PPHLN1: variants seen among roughly 807,000 people sequenced by gnomAD.
The protein encoded by PPHLN1 is periphilin-1.
PPHLN1 carries 29 observed loss-of-function variants against 51.3 expected under a neutral mutation model. The observed-to-expected ratio is 0.57, with a 90% confidence interval of 0.42 to 0.77. The LOEUF (loss-of-function observed/expected upper bound fraction) is 0.77, where lower values mean the gene tolerates loss of function less well. Ranked by LOEUF, PPHLN1 falls within the 30% of genes least tolerant of loss-of-function variation. PPHLN1 has a pLI of 0.00. For missense variants in PPHLN1, 436 were observed against 438.4 expected (o/e 0.99, Z 0.05); for synonymous variants, 147 against 147.8 (o/e 0.99, Z 0.04).
chr12:42,338,433 T>C (rs912258057), intron 2 of PPHLN1, among the ~76,000 whole-genome samples: 2 of 152,156 alleles, frequency 1.3e-5, no homozygotes, highest in South Asian at 4.1e-4. Context: ...CAGAAAATTA[T>C]TGAAGTAATA....
intron 2 of PPHLN1, among the ~76,000 whole-genome samples, chr12:42,347,717 T>C (rs557210619): frequency 6.6e-6 from 1 of 152,272 alleles, no homozygotes; most frequent in East Asian, 1.9e-4. Context: ...GAGGTGTAGG[T>C]TGCAGTGAGC....
At chr12:42,332,845 C>A in intron 1 of PPHLN1, 1 of 514,748 alleles carries the variant, frequency 1.9e-6, no homozygotes, top group Non-Finnish European at 3.4e-6. Context: ...TATTACAAAA[C>A]CTTATTTTTA....
chr12:42,387,415 T>C, intron 6 of PPHLN1, 41 bp from the exon 7 acceptor site: 2 of 1,565,836 alleles, frequency 1.3e-6, no homozygotes, highest in South Asian at 1.2e-5. Context: ...CAAAAACAAA[T>C]TAGCTAGAAA....
chr12:42,397,748 G>GT (rs976111167), intron 8 of PPHLN1, among the ~76,000 whole-genome samples: 6 of 152,066 alleles, frequency 3.9e-5, no homozygotes, highest in South Asian at 2.1e-4. Context: ...AGGTTTGTTT[G>GT]TTTTTTGAGA....
intron 9 of PPHLN1, among the ~76,000 whole-genome samples, chr12:42,426,588 G>A (rs1316284726): frequency 2.0e-5 from 3 of 152,180 alleles, no homozygotes; most frequent in African/African-American, 7.2e-5. Flanking sequence ...ATATGAAAAT[G>A]TTAAGTTAGT....
At chr12:42,359,321 A>G (rs577948245) in intron 4 of PPHLN1, 1 of 152,334 alleles carries the variant, frequency 6.6e-6, no homozygotes, top group South Asian at 2.1e-4. Flanking sequence ...GGTATCTAAT[A>G]TGTCAAATGC....
downstream of PPHLN1, chr12:42,443,009 T>C: frequency 2.6e-6 from 1 of 379,682 alleles, no homozygotes; most frequent in Non-Finnish European, 4.8e-6. Flanking sequence ...AACGATATCA[T>C]GCACAAGGGC....
intron 7 of PPHLN1, among the ~76,000 whole-genome samples, chr12:42,388,069 A>T (rs1287319122): frequency 6.6e-6 from 1 of 152,200 alleles, no homozygotes; most frequent in Non-Finnish European, 1.5e-5. Context: ...GTTTCTCCCC[A>T]TGTGACAGTC....
chr12:42,442,577 C>T, downstream of PPHLN1: 1 of 1,605,240 alleles, frequency 6.2e-7, no homozygotes, highest in Non-Finnish European at 8.5e-7. Context: ...GCCGGCAGTC[C>T]CCTAGCCATT....
chr12:42,331,245 G>T (rs2069689648), intron 1 of PPHLN1, among the ~76,000 whole-genome samples: 1 of 152,230 alleles, frequency 6.6e-6, no homozygotes. Context: ...ATGAGTTTTG[G>T]TGGGGAGGGG....
intron 3 of PPHLN1, among the ~76,000 whole-genome samples, chr12:42,352,674 A>C (rs2073523817): frequency 6.6e-6 from 1 of 151,252 alleles, no homozygotes; most frequent in Non-Finnish European, 1.5e-5. Flanking sequence ...ATCAAGTGGG[A>C]GGCCCACCTT....
In PPHLN1 at chr12:42,432,782, G is replaced by C. The variant is rs1245513896; in HGVS notation, c.910-8533G>C. Among the ~76,000 whole-genome samples, 6 of 152,194 alleles carry C rather than the reference G, an allele frequency of 3.9e-5. 1 individual carries two copies. Reference sequence around the variant, plus strand: ...CACAACAAATTCCTCAGGAAAAGCTGCTGCAAGTTGTTTTGTGCATTCTGA... The same window carrying C: ...CACAACAAATTCCTCAGGAAAAGCTCCTGCAAGTTGTTTTGTGCATTCTGA... On this transcript the variant is annotated intron_variant, in intron 9 of 9. Transcript: ENST00000358314.
intron 4 of PPHLN1, among the ~76,000 whole-genome samples, chr12:42,368,853 G>A (rs1019157548): frequency 2.0e-5 from 3 of 152,060 alleles, no homozygotes. Context: ...TAAGATATTG[G>A]TAAAAGATGG....
At chr12:42,399,087 T>C in intron 9 of PPHLN1, 93 bp downstream of exon 9, 1 of 1,509,338 alleles carries the variant, frequency 6.6e-7, no homozygotes. Flanking sequence ...CATTTCTTTT[T>C]CCACCTGTAA....
intron 5 of PPHLN1, among the ~76,000 whole-genome samples, chr12:42,377,247 A>G (rs918560362): frequency 6.6e-6 from 1 of 151,820 alleles, no homozygotes; most frequent in Non-Finnish European, 1.5e-5. Flanking sequence ...TCACATGCAC[A>G]GACATATCCA....
Position 42,358,387 on chromosome 12 carries a change from A to C in PPHLN1, c.299+3165A>C, listed in dbSNP as rs79100018. Among the ~76,000 whole-genome samples the C allele has an allele frequency of 5.3e-3, 807 of 151,892 alleles. 5 individuals carry two copies. Among genetic ancestry groups the C allele is most frequent in the Middle Eastern group, 0.037 (11 of 294 alleles). On this transcript the variant is annotated intron_variant, in intron 4 of 9. Transcript: ENST00000358314. ...AACATTTAGGGTTTTTGATTGTTTA[A>C]TTGAGTCTTTTTTTGTTGTTTGTTT...
At chr12:42,369,856 C>A (rs572535080) in intron 4 of PPHLN1, among the ~76,000 whole-genome samples, 1 of 152,334 alleles carries the variant, frequency 6.6e-6, no homozygotes, top group South Asian at 2.1e-4. Flanking sequence ...TTATTGTATT[C>A]TCTGATGAAT....
intron 9 of PPHLN1, among the ~76,000 whole-genome samples, chr12:42,419,039 G>T (rs1375867968): frequency 1.3e-5 from 2 of 152,046 alleles, no homozygotes; most frequent in African/African-American, 4.8e-5. Context: ...ATCATTATTT[G>T]TCAGTTAAAA....
At chr12:42,422,112 T>A (rs1227897832) in intron 9 of PPHLN1, among the ~76,000 whole-genome samples, 1 of 152,198 alleles carries the variant, frequency 6.6e-6, no homozygotes, top group Non-Finnish European at 1.5e-5. Context: ...TCTAAAGGCA[T>A]GTAATCATCC....
Sources: allele counts gnomAD v4.1 joint callset (sites outside exome capture counted in the v4.1 genomes callset), GRCh38; gene constraint gnomAD v4.1.1; transcripts MANE v1.5; gene names NCBI Gene and HGNC (gene_info 2026-07-23, HGNC 2026-07-21).